ALDH1A1: variants seen among roughly 807,000 people sequenced by gnomAD.
ALDH1A1 encodes the protein aldehyde dehydrogenase 1A1.
ALDH1A1 carries 19 observed loss-of-function variants against 62.1 expected under a neutral mutation model. That is an observed-to-expected ratio of 0.31 (90% CI 0.21 to 0.45). ALDH1A1 has a LOEUF of 0.45. ALDH1A1 is among the 20% of genes least tolerant of loss of function. The pLI is 1.00. For missense variants in ALDH1A1, 521 were observed against 607.1 expected (o/e 0.86, Z 1.49); for synonymous variants, 231 against 215.9 (o/e 1.07, Z -0.61).
chr9:72,933,756 A>G (rs1830313969), intron 2 of ALDH1A1, among the ~76,000 whole-genome samples: 1 of 152,196 alleles, frequency 6.6e-6, no homozygotes, highest in Non-Finnish European at 1.5e-5. Flanking sequence ...CTGTTGTCCT[A>G]GCAGTTAAAA....
At chr9:72,934,428 C>T (rs969130078) in intron 2 of ALDH1A1, among the ~76,000 whole-genome samples, 5 of 152,154 alleles carry the variant, frequency 3.3e-5, no homozygotes, top group Non-Finnish European at 5.9e-5. Context: ...AATGTTTACA[C>T]CTGTTCCCTT....
chr9:72,949,784 C>A (rs1830519184), intron 1 of ALDH1A1, among the ~76,000 whole-genome samples: 1 of 149,192 alleles, frequency 6.7e-6, no homozygotes, highest in Non-Finnish European at 1.5e-5. Context: ...AACATTTTGG[C>A]GTTTGAATTC....
At position 72,950,129 on chromosome 9, in the gene ALDH1A1, T is replaced by C. The variant is rs916763782; in HGVS notation, c.66+2806A>G. Among the ~76,000 whole-genome samples, 4 of 152,026 alleles carry C rather than the reference T, an allele frequency of 2.6e-5. No homozygotes were observed. In the East Asian group the frequency reaches 7.7e-4, roughly 29 times the overall value. ...TGGAAAGGATTCAGAAAAATAGGACTAGGATCACTAACGTTAAATCATTTC... is the reference window on the plus strand; with the variant it reads ...TGGAAAGGATTCAGAAAAATAGGACCAGGATCACTAACGTTAAATCATTTC... On this transcript the variant is annotated intron_variant, in intron 1 of 12. Coordinates refer to ENST00000297785, the MANE Select transcript of ALDH1A1 (RefSeq NM_000689.5).
intron 5 of ALDH1A1, among the ~76,000 whole-genome samples, chr9:72,926,229 G>A (rs1465664970): frequency 6.6e-6 from 1 of 152,032 alleles, no homozygotes; most frequent in Non-Finnish European, 1.5e-5. Context: ...GAGGGCCAGG[G>A]GCTCAACACA....
chr9:72,902,198 G>A (rs1447171120), intron 12 of ALDH1A1, among the ~76,000 whole-genome samples: 2 of 151,982 alleles, frequency 1.3e-5, no homozygotes, highest in African/African-American at 4.8e-5. Context: ...ACCAGTTTTA[G>A]AAACTGACTG....
intron 7 of ALDH1A1, among the ~76,000 whole-genome samples, chr9:72,922,874 G>T (rs1830160983): frequency 1.3e-5 from 2 of 152,132 alleles, no homozygotes; most frequent in African/African-American, 4.8e-5. Flanking sequence ...GTTGCAGAAT[G>T]CAAACTTTTT....
At chr9:72,925,405 A>C in intron 6 of ALDH1A1, 79 bp downstream of exon 6, 2 of 1,514,742 alleles carry the variant, frequency 1.3e-6, no homozygotes, top group East Asian at 4.6e-5. Flanking sequence ...TGTACTTTAT[A>C]GTAGCAACAA....
Position 72,912,075 on chromosome 9 carries a change from C to T in ALDH1A1, c.1083G>A (p.Gly361=), listed in dbSNP as rs1829998662. ...YDKILDLIES[G]KKEGAKLECG... ...ATTCCAGTTTGGCCCCTTCTTTCTTCCCACTCTCAATGAGGTCAAGTATTT... is the reference window on the plus strand; with the variant it reads ...ATTCCAGTTTGGCCCCTTCTTTCTTTCCACTCTCAATGAGGTCAAGTATTT... The change falls in exon 10 of 13, where the codon GGG becomes GGA. Residue 361 remains glycine (G), a synonymous_variant. Transcript: ENST00000297785. 6 of 1,613,810 alleles carry T rather than the reference C, an allele frequency of 3.7e-6. 1 individual carries two copies. In the South Asian group the frequency reaches 4.4e-5, roughly 12 times the overall value.
intron 12 of ALDH1A1, 80 bp downstream of exon 12, chr9:72,905,878 A>T (rs1829872000): frequency 3.3e-6 from 4 of 1,215,972 alleles, no homozygotes; most frequent in Admixed American, 4.6e-5. Flanking sequence ...ATGTAAGGTG[A>T]AAACTATGAG....
At chr9:72,917,330 A>G (rs1159341687) in intron 8 of ALDH1A1, among the ~76,000 whole-genome samples, 1 of 152,146 alleles carries the variant, frequency 6.6e-6, no homozygotes, top group Non-Finnish European at 1.5e-5. Flanking sequence ...AGTGGTTACT[A>G]TTACAACTTT....
chr9:72,942,394 A>G, intron 1 of ALDH1A1: 1 of 983,966 alleles, frequency 1.0e-6, no homozygotes. Flanking sequence ...CCTATCTCTC[A>G]CACACTTTCC....
intron 2 of ALDH1A1, among the ~76,000 whole-genome samples, chr9:72,932,192 A>G (rs563695124): frequency 6.6e-6 from 1 of 152,320 alleles, no homozygotes; most frequent in African/African-American, 2.4e-5. Context: ...TGGCTATATC[A>G]CAGGCCAGTA....
chr9:72,904,491 C>T lies in ALDH1A1; in HGVS notation c.1433+1467G>A, dbSNP rs537402011. ...AGCCCTCTTCTCTACTAACTGATAT[C>T]CTACACTTGCTTTCTGCCCTAGAGG... On this transcript the variant is annotated intron_variant, in intron 12 of 12. Transcript: ENST00000297785. Among the ~76,000 whole-genome samples, 55 of 152,208 alleles carry T rather than the reference C, an allele frequency of 3.6e-4. 1 individual carries two copies. Among genetic ancestry groups the T allele is most frequent in the African/African-American group, 1.3e-3 (55 of 41,548 alleles).
intron 10 of ALDH1A1, among the ~76,000 whole-genome samples, chr9:72,911,478 G>C (rs1829987097): frequency 1.3e-5 from 2 of 152,064 alleles, no homozygotes; most frequent in African/African-American, 4.8e-5. Context: ...CTAATTGAAA[G>C]TTTGAATCCT....
In ALDH1A1 at chr9:72,916,548, T is replaced by A. The variant is rs1328318078; in HGVS notation, c.1035+372A>T. 2.0e-5 allele frequency among the ~76,000 whole-genome samples: 3 copies of A among 152,070 alleles called. No homozygotes were observed. The East Asian group carries it at 5.8e-4, about 29-fold the overall frequency. ...TATAACTGTGGGATGGCTGTGGAGA[T>A]GAAGGATTCAGGAGGAAAAAATGGT... On this transcript the variant is annotated intron_variant, in intron 9 of 12. Coordinates refer to ENST00000297785, the MANE Select transcript of ALDH1A1 (RefSeq NM_000689.5).
chr9:72,932,104 A>G (rs530466815), intron 2 of ALDH1A1, among the ~76,000 whole-genome samples: 3 of 152,324 alleles, frequency 2.0e-5, no homozygotes, highest in South Asian at 2.1e-4. Context: ...TGCAAACACC[A>G]TAAAGGAATA....
chr9:72,908,567 G>GA (rs5898279), intron 11 of ALDH1A1, among the ~76,000 whole-genome samples: 14 of 43,262 alleles, frequency 3.2e-4, no homozygotes, highest in African/African-American at 8.0e-4. Flanking sequence ...AAGAAAGAAA[G>GA]AAAGAAAGAA....
At chr9:72,921,875 G>C (rs1830150708) in intron 7 of ALDH1A1, among the ~76,000 whole-genome samples, 1 of 151,932 alleles carries the variant, frequency 6.6e-6, no homozygotes, top group African/African-American at 2.4e-5. Flanking sequence ...ACTCAGATGG[G>C]GTGTTTTAAA....
At chr9:72,952,904 A>G in intron 1 of ALDH1A1, 31 bp downstream of exon 1, 3 of 1,609,548 alleles carry the variant, frequency 1.9e-6, no homozygotes, top group Non-Finnish European at 2.5e-6. Context: ...TGCAAACCCG[A>G]GTCAAAGCAG....
Sources: allele counts gnomAD v4.1 joint callset (sites outside exome capture counted in the v4.1 genomes callset), GRCh38; gene constraint gnomAD v4.1.1; transcripts MANE v1.5; gene names NCBI Gene and HGNC (gene_info 2026-07-23, HGNC 2026-07-21).